The following C11orf24 variants were observed in gnomAD, a reference collection of about 807,000 sequenced individuals.
C11orf24 encodes chromosome 11 open reading frame 24.
A neutral mutation model predicts 7.3 loss-of-function variants in C11orf24; 5 were observed. The ratio of observed to expected loss-of-function variants is 0.69; its 90% CI spans 0.36 to 1.45. The LOEUF is 1.45. Ranked by LOEUF, C11orf24 falls within the 40% of genes most tolerant of loss-of-function variation. The pLI, the probability that C11orf24 is intolerant of heterozygous loss-of-function variation, is 0.03. For missense variants in C11orf24, 566 were observed against 590.5 expected, an observed-to-expected ratio of 0.96 and a Z score of 0.43; for synonymous variants, 233 against 235.7, an observed-to-expected ratio of 0.99 and a Z score of 0.11.
chr11:68,265,632 C>T (rs1266336370), intron 2 of C11orf24, among the ~76,000 whole-genome samples: 2 of 152,112 alleles, frequency 1.3e-5, no homozygotes, highest in Non-Finnish European at 2.9e-5. Context: ...GGATCACAGG[C>T]GCATGCCACC....
chr11:68,265,049 G>A (rs1448939069), intron 2 of C11orf24, among the ~76,000 whole-genome samples: 1 of 151,886 alleles, frequency 6.6e-6, no homozygotes, highest in Admixed American at 6.6e-5. Flanking sequence ...TGGTCGGCAT[G>A]CCAAGGAAGG....
intron 2 of C11orf24, among the ~76,000 whole-genome samples, chr11:68,264,657 C>T (rs57704728): frequency 1.7e-4 from 13 of 76,880 alleles, no homozygotes; most frequent in Admixed American, 2.6e-4. Flanking sequence ...CATCCATCCA[C>T]CCACCATATC....
chr11:68,261,762 G>C lies in C11orf24; in HGVS notation c.1233C>G (p.Thr411=), dbSNP rs147687907. Residue 411 remains threonine, a synonymous_variant, in exon 4 of 4, where the codon ACC becomes ACG. Transcript: ENST00000304271. ...LLLVVLLLGV[T]LFITVLVLFA... ...ACAAAACCAAGACTGTGATGAAAAG[G>C]GTCACCCCGAGTAACAGCACCACCA... 1.2e-6 allele frequency: 2 copies of C among 1,614,206 alleles called. No homozygotes were observed. Among genetic ancestry groups the C allele is most frequent in the East Asian group, 2.2e-5 (1 of 44,878 alleles).
Position 68,261,887 on chromosome 11 carries a change from T to C in C11orf24, c.1108A>G (p.Met370Val). The change falls in exon 4 of 4, where the codon ATG becomes GTG. Residue 370 changes from methionine to valine, a missense_variant. Physicochemically the swap from Met to Val is conservative, Grantham distance 21. Coordinates refer to ENST00000304271, the MANE Select transcript of C11orf24 (RefSeq NM_022338.4). ...PTPRSSGGTK[M>V]PATDSCQPST... ...GGCTGGCACGAGTCCGTGGCTGGCA[T>C]CTTAGTGCCCCCTGAGCTCCTGGGT... The C allele has an allele frequency of 6.2e-7, 1 of 1,614,018 alleles. No homozygotes were observed. The highest frequency in any genetic ancestry group is 8.5e-7 in the Non-Finnish European group (1 of 1,180,036).
intron 1 of C11orf24, among the ~76,000 whole-genome samples, chr11:68,269,919 C>T (rs377605058): frequency 2.6e-5 from 4 of 152,338 alleles, no homozygotes; most frequent in East Asian, 3.9e-4. Flanking sequence ...ATGTCAAGAT[C>T]CCATGCGGGA....
chr11:68,264,249 A>C (rs1395204880), intron 2 of C11orf24, among the ~76,000 whole-genome samples: 1 of 151,980 alleles, frequency 6.6e-6, no homozygotes, highest in East Asian at 1.9e-4. Context: ...GCAGAGTACA[A>C]ATCAAGCCTA....
At chr11:68,268,488 G>C (rs1964071) in intron 1 of C11orf24, among the ~76,000 whole-genome samples, 1 of 151,954 alleles carries the variant, frequency 6.6e-6, no homozygotes, top group African/African-American at 2.4e-5. Flanking sequence ...TCAGCAGTTC[G>C]AGACCAGCCT....
At chr11:68,263,631 G>A in intron 3 of C11orf24, 61 bp downstream of exon 3, 1 of 1,491,122 alleles carries the variant, frequency 6.7e-7, no homozygotes, top group Non-Finnish European at 9.3e-7. Context: ...GCTTTCAAGG[G>A]CTCAGCATGC....
At chr11:68,263,568 G>A (rs61887763) in intron 3 of C11orf24, 124 bp downstream of exon 3, 179 of 838,614 alleles carry the variant, frequency 2.1e-4, no homozygotes, top group Non-Finnish European at 3.1e-4. Flanking sequence ...TTCCCTGTGC[G>A]GCACCTGGGA....
Position 68,261,526 on chromosome 11 carries a change from A to T in C11orf24, c.*119T>A. The T allele has an allele frequency of 1.3e-6, 1 of 781,846 alleles. No homozygotes were observed. The highest frequency in any genetic ancestry group is 2.1e-6 in the Non-Finnish European group (1 of 486,494). The allele number at this position is 781,846 out of a possible 1,614,324, so 48.4% of individuals were successfully genotyped here. On this transcript the variant is annotated 3_prime_UTR_variant, in exon 4 of 4. Coordinates refer to ENST00000304271, the MANE Select transcript of C11orf24 (RefSeq NM_022338.4). The stretch of plus-strand genomic sequence containing the variant: ...AATCTGACAGCAATTAAATGTGTTT[A>T]AGCATCTGGCATATCTCCTCAATTG...
At chr11:68,270,152 C>T (rs980914581) in intron 1 of C11orf24, among the ~76,000 whole-genome samples, 1 of 151,976 alleles carries the variant, frequency 6.6e-6, no homozygotes, top group Non-Finnish European at 1.5e-5. Context: ...GGGGAATGAG[C>T]GAGAGAGAAT....
In C11orf24 at chr11:68,262,262, G is replaced by T. The variant is rs2098562197; in HGVS notation, c.733C>A (p.Pro245Thr). 6.2e-7 allele frequency: 1 copy of T among 1,613,316 alleles called. No homozygotes were observed. Among genetic ancestry groups the T allele is most frequent in the Non-Finnish European group, 8.5e-7 (1 of 1,179,438 alleles). ...KHMPSDTAAS[P>T]VPPMRPQAQG... is the part of the protein sequence containing the mutation. ...GCTTGGGGACGCATAGGGGGTACAG[G>T]GCTTGCCGCGGTGTCACTGGGCATG... Residue 245 changes from proline to threonine, a missense_variant, in exon 4 of 4, where the codon CCT (proline) becomes ACT (threonine). By Grantham distance (38) the Pro-to-Thr change is conservative. Coordinates refer to ENST00000304271, the MANE Select transcript of C11orf24 (RefSeq NM_022338.4).
intron 1 of C11orf24, among the ~76,000 whole-genome samples, chr11:68,268,535 C>T (rs542978839): frequency 1.3e-5 from 2 of 152,154 alleles, no homozygotes; most frequent in Admixed American, 6.5e-5. Context: ...ACTAAAAATA[C>T]AAAAAAATTA....
chr11:68,262,446 A>G lies in C11orf24; in HGVS notation c.549T>C (p.Thr183=). 6.2e-7 allele frequency: 1 copy of G among 1,614,136 alleles called. No homozygotes were observed. Among genetic ancestry groups the G allele is most frequent in the Non-Finnish European group, 8.5e-7 (1 of 1,180,026 alleles). Residue 183 remains threonine (T), a synonymous_variant, in exon 4 of 4, where the codon ACT becomes ACC. Transcript: ENST00000304271. ...STGRTPSTTA[T]GHPSLSTALA... is the part of the protein sequence containing the mutation. ...GGGCTGTGCTGAGAGATGGATGCCCAGTGGCGGTAGTGGACGGGGTCCGCC... is the reference window on the plus strand; with the variant it reads ...GGGCTGTGCTGAGAGATGGATGCCCGGTGGCGGTAGTGGACGGGGTCCGCC...
intron 2 of C11orf24, among the ~76,000 whole-genome samples, chr11:68,264,242 G>T (rs2098563405): frequency 6.6e-6 from 1 of 152,044 alleles, no homozygotes; most frequent in Non-Finnish European, 1.5e-5. Flanking sequence ...ATAGTCTGCA[G>T]AGTACAAATC....
At position 68,261,899 on chromosome 11, in the gene C11orf24, C is replaced by CT; in HGVS notation, c.1095dup (p.Gly366ArgfsTer4). 1.2e-6 allele frequency: 2 copies of CT among 1,613,990 alleles called. No homozygotes were observed. The highest frequency in any genetic ancestry group is 1.7e-6 in the Non-Finnish European group (2 of 1,180,042). ...TCCGTGGCTGGCATCTTAGTGCCCC[C>CT]TGAGCTCCTGGGTGTTGGCCCAGTG... On this transcript the variant is annotated frameshift_variant, in exon 4 of 4. Coordinates refer to ENST00000304271, the MANE Select transcript of C11orf24 (RefSeq NM_022338.4). LOFTEE classifies it low-confidence loss of function (END_TRUNC).
rs1019933338 is a variant in C11orf24, at chr11:68,263,003, G to A, written c.77-85C>T. ...TTGCTCAGGGATCGGCTTCCACCCA[G>A]GCCTGTGGGGCCCCCTCCTCAGCCC... On this transcript the variant is annotated intron_variant, in intron 3 of 3. Transcript: ENST00000304271. 8 of 1,324,104 alleles carry A rather than the reference G, an allele frequency of 6.0e-6. No individual in the cohort carries two copies. The Admixed American group carries it at 1.7e-4, about 28-fold the overall frequency. 82.0% of individuals were successfully genotyped at this position (1,324,104 alleles called of 1,614,324 possible). A position where few individuals can be genotyped will look rare whatever the true frequency, so the allele number is the denominator to read the frequency against.
intron 1 of C11orf24, among the ~76,000 whole-genome samples, chr11:68,269,669 C>CAA: frequency 6.6e-6 from 1 of 151,990 alleles, no homozygotes; most frequent in Admixed American, 6.5e-5. Flanking sequence ...ATCACACACA[C>CAA]AAAGGTGAGG....
chr11:68,270,181 G>A (rs1372340328), intron 1 of C11orf24, among the ~76,000 whole-genome samples: 2 of 152,162 alleles, frequency 1.3e-5, no homozygotes, highest in African/African-American at 4.8e-5. Flanking sequence ...TATTAAGTTG[G>A]AGACCAGGGC....
Sources: allele counts gnomAD v4.1 joint callset (sites outside exome capture counted in the v4.1 genomes callset), GRCh38; gene constraint gnomAD v4.1.1; transcripts MANE v1.5; gene names NCBI Gene and HGNC (gene_info 2026-07-23, HGNC 2026-07-21).